Variants in ADAMTS20 observed in about 807,000 individuals in gnomAD.
ADAMTS20 encodes A disintegrin and metalloproteinase with thrombospondin motifs 20.
A neutral mutation model predicts 260.1 loss-of-function variants in ADAMTS20; 225 were observed. The observed-to-expected ratio is 0.87, with a 90% CI of 0.78 to 0.97. ADAMTS20 has a LOEUF of 0.97. ADAMTS20 is among the 50% of genes least tolerant of loss of function. The pLI, the probability that ADAMTS20 is intolerant of heterozygous loss-of-function variation, is 0.00. For missense variants in ADAMTS20, 2,400 were observed against 2,337.7 expected (o/e 1.03, Z -0.55); for synonymous variants, 802 against 769.5 (o/e 1.04, Z -0.70).
intron 7 of ADAMTS20, among the ~76,000 whole-genome samples, chr12:43,470,468 A>G (rs1942234330): frequency 1.3e-5 from 2 of 152,224 alleles, no homozygotes; most frequent in Admixed American, 1.3e-4. Flanking sequence ...TAAGCAGGCA[A>G]CACCTACAAA....
intron 3 of ADAMTS20, among the ~76,000 whole-genome samples, chr12:43,520,784 C>G (rs2137481028): frequency 6.6e-6 from 1 of 152,272 alleles, no homozygotes; most frequent in South Asian, 2.1e-4. Flanking sequence ...TCCTCTGTCC[C>G]TACATTAATT....
At chr12:43,379,561 T>C (rs1443707960) in intron 31 of ADAMTS20, among the ~76,000 whole-genome samples, 1 of 152,038 alleles carries the variant, frequency 6.6e-6, no homozygotes, top group Non-Finnish European at 1.5e-5. Context: ...CACACCCTAC[T>C]CCCAACCCCC....
At chr12:43,487,760 A>G (rs1942545049) in intron 7 of ADAMTS20, among the ~76,000 whole-genome samples, 1 of 152,166 alleles carries the variant, frequency 6.6e-6, no homozygotes, top group Admixed American at 6.5e-5. Flanking sequence ...GTCCAAAAAT[A>G]GCCAAAATAT....
In ADAMTS20 at chr12:43,551,427, A is replaced by G. The variant is rs1943515095; in HGVS notation, c.92-157T>C. On this transcript the variant is annotated intron_variant, in intron 1 of 38. Transcript: ENST00000389420. This position sits in a 1 kb window ranked among gnomAD's most constrained non-coding sequence, Gnocchi z 4.6. ...TGCTGATGCGCACGCACACACACAC[A>G]CGTGCACTGGGACGGTTAGTGCTCT... Among the ~76,000 whole-genome samples, 1 of 151,938 alleles carries G rather than the reference A, an allele frequency of 6.6e-6. No individual in the cohort carries two copies. Among genetic ancestry groups the G allele is most frequent in the Non-Finnish European group, 1.5e-5 (1 of 67,982 alleles).
intron 37 of ADAMTS20, among the ~76,000 whole-genome samples, chr12:43,362,577 C>T (rs1164246499): frequency 1.3e-5 from 2 of 152,178 alleles, no homozygotes; most frequent in African/African-American, 2.4e-5. Context: ...TGGACACTCT[C>T]TCCAGTGAAA....
At chr12:43,416,836 T>G (rs1180760702) in intron 28 of ADAMTS20, among the ~76,000 whole-genome samples, 2 of 152,172 alleles carry the variant, frequency 1.3e-5, no homozygotes, top group African/African-American at 4.8e-5. Flanking sequence ...TGAACTACTT[T>G]TTTCTGGTCT....
intron 28 of ADAMTS20, among the ~76,000 whole-genome samples, chr12:43,400,502 A>C (rs930951880): frequency 9.9e-5 from 15 of 151,996 alleles, no homozygotes; most frequent in Non-Finnish European, 1.5e-4. Context: ...CCACCTCATT[A>C]ATACAGCCAT....
chr12:43,397,469 G>C (rs959540089), intron 29 of ADAMTS20, among the ~76,000 whole-genome samples: 1 of 152,148 alleles, frequency 6.6e-6, no homozygotes, highest in African/African-American at 2.4e-5. Flanking sequence ...AGGAACAGAT[G>C]ATGATGAACT....
At chr12:43,413,829 C>T (rs1274347605) in intron 28 of ADAMTS20, among the ~76,000 whole-genome samples, 1 of 152,134 alleles carries the variant, frequency 6.6e-6, no homozygotes, top group African/African-American at 2.4e-5. Flanking sequence ...AAATTCATTT[C>T]TTCCCTTTTC....
chr12:43,353,069 G>T (rs193059747), downstream of ADAMTS20, among the ~76,000 whole-genome samples: 168 of 151,236 alleles, frequency 1.1e-3, no homozygotes, highest in Middle Eastern at 6.9e-3. Flanking sequence ...ATTCCATTTG[G>T]TTTTTTTTGG....
chr12:43,499,461 A>G (rs1942724217), intron 4 of ADAMTS20, among the ~76,000 whole-genome samples: 1 of 151,332 alleles, frequency 6.6e-6, no homozygotes, highest in South Asian at 2.1e-4. Context: ...GTATGTCACA[A>G]TATCTTCTAA....
intron 24 of ADAMTS20, 98 bp from the exon 25 acceptor site, chr12:43,428,897 T>A: frequency 2.5e-6 from 3 of 1,184,376 alleles, no homozygotes; most frequent in Admixed American, 2.8e-5. Flanking sequence ...AACATCCAGT[T>A]TCTTGAGAAA....
At chr12:43,463,696 T>C (rs755355394) in intron 10 of ADAMTS20, among the ~76,000 whole-genome samples, 1 of 152,196 alleles carries the variant, frequency 6.6e-6, no homozygotes, top group Non-Finnish European at 1.5e-5. Flanking sequence ...ATAGTCGCTA[T>C]ATGAAATAAG....
At chr12:43,365,664 T>A (rs1296138259) in intron 37 of ADAMTS20, among the ~76,000 whole-genome samples, 1 of 151,952 alleles carries the variant, frequency 6.6e-6, no homozygotes, top group Admixed American at 6.6e-5. Context: ...CTAAAAGACA[T>A]AAAATTATTT....
At chr12:43,421,284 A>C (rs74080907) in intron 28 of ADAMTS20, among the ~76,000 whole-genome samples, 13 of 102,208 alleles carry the variant, frequency 1.3e-4, no homozygotes, top group African/African-American at 1.6e-4. Flanking sequence ...TTCATTTACA[A>C]AAAAAAAAAA....
At chr12:43,402,336 T>C (rs1225646948) in intron 28 of ADAMTS20, among the ~76,000 whole-genome samples, 2 of 151,994 alleles carry the variant, frequency 1.3e-5, no homozygotes. Context: ...AAAAGTCCTC[T>C]AGGAATGTTA....
At chr12:43,501,481 G>GCGCACA (rs373746834) in intron 4 of ADAMTS20, among the ~76,000 whole-genome samples, 200 of 117,850 alleles carry the variant, frequency 1.7e-3, no homozygotes, top group Middle Eastern at 5.2e-3. Context: ...GCGCGCGCGC[G>GCGCACA]CACACACACA....
chr12:43,425,077 G>A (rs891403087), intron 28 of ADAMTS20, among the ~76,000 whole-genome samples: 7 of 152,144 alleles, frequency 4.6e-5, no homozygotes, highest in Non-Finnish European at 7.3e-5. Context: ...CTATGCAGCC[G>A]TAATAAGGAA....
Position 43,552,176 on chromosome 12 carries a change from G to C in ADAMTS20, c.-255C>G, listed in dbSNP as rs922745960. ...CCCGCGCTGCCCTCAGAAACTCTCT[G>C]CTCAGGTTCAGCTCGGCGCGGGGAA... On this transcript the variant is annotated 5_prime_UTR_variant, in exon 1 of 39. Coordinates refer to ENST00000389420, the MANE Select transcript of ADAMTS20 (RefSeq NM_025003.5). Among the ~76,000 whole-genome samples the C allele has an allele frequency of 1.3e-5, 2 of 152,216 alleles. No individual in the cohort carries two copies. The highest frequency in any genetic ancestry group is 4.8e-5 in the African/African-American group (2 of 41,464).
Sources: gnomAD v4.1 joint callset for allele counts (sites outside exome capture counted in the v4.1 genomes callset) on GRCh38, gnomAD v4.1.1 for gene constraint, Gnocchi (gnomAD v3.1) non-coding constraint, MANE v1.5 for transcripts, NCBI Gene and HGNC (gene_info 2026-07-23, HGNC 2026-07-21) for gene names.